The following CEP63 variants were observed in gnomAD, a reference collection of about 807,000 sequenced individuals.
CEP63 encodes the protein centrosomal protein of 63 kDa.
In CEP63, 84 loss-of-function variants were observed where a neutral mutation model predicts 89.1. The ratio of observed to expected loss-of-function variants is 0.94; its 90% CI spans 0.79 to 1.13. The LOEUF (loss-of-function observed/expected upper bound fraction) is 1.13. Ranked by LOEUF, CEP63 falls within the 50% of genes most tolerant of loss-of-function variation. CEP63 has a pLI of 0.00. For synonymous variants in CEP63, 267 were observed against 272.5 expected, an observed-to-expected ratio of 0.98 and a Z score of 0.20; for missense variants, 838 against 813.3, an observed-to-expected ratio of 1.03 and a Z score of -0.37.
At chr3:134,529,584 G>A (rs568024203) in intron 3 of CEP63, among the ~76,000 whole-genome samples, 97 of 151,956 alleles carry the variant, frequency 6.4e-4, no homozygotes, top group Middle Eastern at 3.4e-3. Context: ...CAAGTGATCC[G>A]CCTGCCTTGG....
chr3:134,599,072 C>T, the CEP63 span, among the ~76,000 whole-genome samples: 3 of 152,326 alleles, frequency 2.0e-5, no homozygotes, highest in Middle Eastern at 3.4e-3. Context: ...ACAGCAGGGC[C>T]CTTCAGATGT....
the CEP63 span, among the ~76,000 whole-genome samples, chr3:134,637,983 A>G: frequency 1.3e-5 from 2 of 152,196 alleles, no homozygotes; most frequent in African/African-American, 2.4e-5. Flanking sequence ...CCTCTTGGAC[A>G]GGGGTCAATG....
In CEP63 at chr3:134,495,306, A is replaced by G. The variant is rs191973451; in HGVS notation, c.-15A>G. The G allele has an allele frequency of 3.7e-5, 59 of 1,612,974 alleles. No individual in the cohort carries two copies. In the East Asian group the frequency reaches 5.8e-4, roughly 16 times the overall value. ...TTTTTTCTTTGTCAGTTGCCAAAAC[A>G]AAGGGGATTTGGTGATGGAGGCTTT... On this transcript the variant is annotated 5_prime_UTR_variant, in exon 2 of 15. Coordinates refer to ENST00000675561, the MANE Select transcript of CEP63 (RefSeq NM_001353108.3).
At chr3:134,701,926 C>G in the CEP63 span, among the ~76,000 whole-genome samples, 4 of 152,070 alleles carry the variant, frequency 2.6e-5, no homozygotes, top group Admixed American at 6.6e-5. Context: ...CTCCCCATCC[C>G]ACAAAAACAA....
the CEP63 span, among the ~76,000 whole-genome samples, chr3:134,678,556 C>G: frequency 1.3e-5 from 2 of 152,336 alleles, no homozygotes; most frequent in African/African-American, 4.8e-5. Flanking sequence ...AGCTAACACT[C>G]TCCAGCCACT....
the CEP63 span, among the ~76,000 whole-genome samples, chr3:134,710,091 C>G: frequency 6.6e-6 from 1 of 152,224 alleles, no homozygotes; most frequent in Non-Finnish European, 1.5e-5. Flanking sequence ...GGGACCCACG[C>G]TTCAGTTCCC....
the CEP63 span, among the ~76,000 whole-genome samples, chr3:134,652,216 T>C: frequency 2.0e-5 from 3 of 152,160 alleles, no homozygotes; most frequent in African/African-American, 7.2e-5. Flanking sequence ...GAGAATGGCA[T>C]GAATGTAAGG....
intron 12 of CEP63, among the ~76,000 whole-genome samples, chr3:134,553,966 A>G (rs1955518399): frequency 6.6e-6 from 1 of 152,198 alleles, no homozygotes; most frequent in Non-Finnish European, 1.5e-5. Flanking sequence ...GATTTTATGA[A>G]TATTACACTG....
At chr3:134,538,465 T>G (rs1185055996) in intron 6 of CEP63, among the ~76,000 whole-genome samples, 17 of 145,468 alleles carry the variant, frequency 1.2e-4, no homozygotes. Context: ...TCCTGAGATG[T>G]CTGGACCAGT....
intron 6 of CEP63, among the ~76,000 whole-genome samples, chr3:134,544,095 A>G (rs1420922727): frequency 2.0e-5 from 3 of 152,148 alleles, no homozygotes; most frequent in African/African-American, 7.2e-5. Flanking sequence ...TTATTTGACT[A>G]CAGTATATAG....
the CEP63 span, among the ~76,000 whole-genome samples, chr3:134,645,549 C>T: frequency 0.017 from 2,540 of 152,320 alleles, 63 homozygotes; most frequent in African/African-American, 0.058. Flanking sequence ...CTCAGAATCT[C>T]GACATCAGAA....
chr3:134,689,264 A>G, the CEP63 span, among the ~76,000 whole-genome samples: 745 of 152,044 alleles, frequency 4.9e-3, 2 homozygotes, highest in African/African-American at 0.017. Context: ...AGCCTAAACT[A>G]GGAGAAAAGA....
At chr3:134,665,951 G>T in the CEP63 span, among the ~76,000 whole-genome samples, 8 of 151,972 alleles carry the variant, frequency 5.3e-5, no homozygotes, top group Non-Finnish European at 1.2e-4. Flanking sequence ...GGACAGGAAA[G>T]TCAGAGAGAG....
the CEP63 span, among the ~76,000 whole-genome samples, chr3:134,687,413 G>A: frequency 6.6e-6 from 1 of 152,222 alleles, no homozygotes; most frequent in Non-Finnish European, 1.5e-5. Context: ...GGATGAACGT[G>A]CAGCTTATTG....
At chr3:134,756,679 G>A in the CEP63 span, among the ~76,000 whole-genome samples, 2 of 152,156 alleles carry the variant, frequency 1.3e-5, no homozygotes, top group Non-Finnish European at 1.5e-5. Flanking sequence ...TGACAGCCTC[G>A]TGAGGGGAGT....
intron 9 of CEP63, among the ~76,000 whole-genome samples, chr3:134,548,780 A>T (rs1459256812): frequency 1.3e-5 from 2 of 152,220 alleles, no homozygotes; most frequent in East Asian, 1.9e-4. Context: ...TCCTTTTGGA[A>T]TACTTGGAGT....
intron 10 of CEP63, among the ~76,000 whole-genome samples, chr3:134,583,591 T>G (rs1436449978): frequency 1.3e-5 from 2 of 152,166 alleles, no homozygotes; most frequent in Non-Finnish European, 2.9e-5. Context: ...AGCCTTGTAG[T>G]ATAGTTTGAA....
At chr3:134,701,352 G>A in the CEP63 span, among the ~76,000 whole-genome samples, 11,300 of 31,830 alleles carry the variant, frequency 0.36, 4,148 homozygotes, top group Admixed American at 0.4. Context: ...ACGTATATAT[G>A]TGTATATATA....
At chr3:134,682,722 C>A in the CEP63 span, among the ~76,000 whole-genome samples, 94 of 152,308 alleles carry the variant, frequency 6.2e-4, no homozygotes, top group African/African-American at 2.1e-3. Flanking sequence ...ATGCTTACTC[C>A]ATGCTCGGCA....
Sources: allele counts gnomAD v4.1 joint callset (sites outside exome capture counted in the v4.1 genomes callset), GRCh38; gene constraint gnomAD v4.1.1; transcripts MANE v1.5; gene names NCBI Gene and HGNC (gene_info 2026-07-23, HGNC 2026-07-21).